The following PKN2 variants were observed in gnomAD, a reference collection of about 807,000 sequenced individuals.
PKN2 encodes protein kinase N2.
In PKN2, 38 loss-of-function variants were observed where a neutral mutation model predicts 119.1. The ratio of observed to expected loss-of-function variants is 0.32; its 90% confidence interval spans 0.25 to 0.42. PKN2 has a LOEUF of 0.42. Ranked by LOEUF, PKN2 falls within the 10% of genes least tolerant of loss-of-function variation. The pLI, the probability that PKN2 is intolerant of heterozygous loss-of-function variation, is 1.00. For missense variants in PKN2, 850 were observed against 1,165.1 expected, an observed-to-expected ratio of 0.73 and a Z score of 3.94; for synonymous variants, 390 against 384.9, an observed-to-expected ratio of 1.01 and a Z score of -0.15.
chr1:88,745,068 G>T (rs375532566), intron 2 of PKN2, among the ~76,000 whole-genome samples: 4 of 152,022 alleles, frequency 2.6e-5, no homozygotes, highest in Admixed American at 6.5e-5. Flanking sequence ...ACATTTTTTC[G>T]TGATAAAAAT....
intron 4 of PKN2, 132 bp from the exon 5 acceptor site, chr1:88,771,289 A>G (rs1269675524): frequency 1.8e-6 from 1 of 540,896 alleles, no homozygotes; most frequent in Non-Finnish European, 3.2e-6. Flanking sequence ...AAATATTTTT[A>G]TTTCAGTGTT....
chr1:88,762,206 A>T, intron 3 of PKN2, among the ~76,000 whole-genome samples: 1 of 152,230 alleles, frequency 6.6e-6, no homozygotes, highest in East Asian at 1.9e-4. Flanking sequence ...AGAGTTATGG[A>T]CATATTAAAA....
intron 2 of PKN2, among the ~76,000 whole-genome samples, chr1:88,742,383 C>T (rs1266671884): frequency 1.3e-5 from 2 of 152,130 alleles, no homozygotes; most frequent in African/African-American, 4.8e-5. Context: ...TTTTCGACAT[C>T]ACTTTCAACA....
chr1:88,826,216 G>C (rs1006551919), intron 18 of PKN2, among the ~76,000 whole-genome samples: 1 of 152,110 alleles, frequency 6.6e-6, no homozygotes, highest in Non-Finnish European at 1.5e-5. Context: ...CTTGACACAG[G>C]TGCCTAGAAC....
intron 16 of PKN2, among the ~76,000 whole-genome samples, chr1:88,817,116 A>G (rs1044070803): frequency 6.6e-6 from 1 of 152,170 alleles, no homozygotes; most frequent in African/African-American, 2.4e-5. Context: ...TTTCAGGCCA[A>G]TATCCCTGAT....
intron 6 of PKN2, among the ~76,000 whole-genome samples, chr1:88,776,753 A>T (rs1441564110): frequency 6.6e-6 from 1 of 152,052 alleles, no homozygotes; most frequent in African/African-American, 2.4e-5. Context: ...AAAAAAAAAA[A>T]AAGTCCTCCT....
chr1:88,787,965 TA>T (rs1224358724), intron 8 of PKN2, among the ~76,000 whole-genome samples: 2 of 152,224 alleles, frequency 1.3e-5, no homozygotes, highest in African/African-American at 4.8e-5. Context: ...TTATAGACTA[TA>T]AAAAATGTTT....
At position 88,807,703 on chromosome 1, in the gene PKN2, A is replaced by G. The variant is rs1456985864; in HGVS notation, c.2030A>G (p.Lys677Arg). The change falls in exon 15 of 22, where the codon AAA becomes AGA. Residue 677 changes from lysine (K) to arginine (R), a missense_variant. Lys to Arg is a conservative substitution (Grantham distance 26). This residue lies in a region of PKN2 where 216 missense variants were observed against 252.8 expected (regional missense o/e 0.85). Coordinates refer to ENST00000370521, the MANE Select transcript of PKN2 (RefSeq NM_006256.4). Reference sequence around the variant, plus strand: ...TTTCAGGTGCTTTTAGCTGAATATAAAAACACAAATGAGATGTTTGCTATA... The same window carrying G: ...TTTCAGGTGCTTTTAGCTGAATATAGAAACACAAATGAGATGTTTGCTATA... Reference protein sequence around the residue: ...HFGKVLLAEYKNTNEMFAIKA... With the variant: ...HFGKVLLAEYRNTNEMFAIKA... The G allele has an allele frequency of 6.2e-7, 1 of 1,601,202 alleles. No homozygotes were observed. The highest frequency in any genetic ancestry group is 2.2e-5 in the East Asian group (1 of 44,668).
At chr1:88,797,829 T>C (rs1221458496) in intron 8 of PKN2, among the ~76,000 whole-genome samples, 1 of 151,262 alleles carries the variant, frequency 6.6e-6, no homozygotes, top group African/African-American at 2.4e-5. Context: ...CATTTAGCAC[T>C]GTGAGAAATG....
intron 6 of PKN2, among the ~76,000 whole-genome samples, chr1:88,774,578 C>T (rs1670014126): frequency 6.6e-6 from 1 of 151,682 alleles, no homozygotes; most frequent in African/African-American, 2.4e-5. Context: ...AAAAACCAGC[C>T]AAATTATATA....
intron 2 of PKN2, among the ~76,000 whole-genome samples, chr1:88,751,396 ACACAC>A (rs1668990613): frequency 2.6e-5 from 4 of 151,988 alleles, no homozygotes; most frequent in Admixed American, 1.3e-4. Flanking sequence ...ACACACACAC[ACACAC>A]ACCTGACTCT....
intron 2 of PKN2, among the ~76,000 whole-genome samples, chr1:88,757,220 CA>C (rs2100775073): frequency 6.6e-6 from 1 of 152,254 alleles, no homozygotes; most frequent in Non-Finnish European, 1.5e-5. Flanking sequence ...ATATCTGTCT[CA>C]AAAGGTTATT....
At chr1:88,724,404 A>G (rs537458661) in intron 1 of PKN2, among the ~76,000 whole-genome samples, 1 of 152,010 alleles carries the variant, frequency 6.6e-6, no homozygotes, top group Admixed American at 6.6e-5. Flanking sequence ...CTTGGTGCAA[A>G]TGTCTCTTGT....
chr1:88,770,316 T>A (rs1269274372), intron 3 of PKN2, 36 bp from the exon 4 acceptor site: 1 of 1,228,210 alleles, frequency 8.1e-7, no homozygotes, highest in Non-Finnish European at 1.2e-6. Flanking sequence ...TTTTTCCCTT[T>A]ATTTGCTTAA....
chr1:88,788,873 T>C (rs1051689167), intron 8 of PKN2, among the ~76,000 whole-genome samples: 1 of 152,168 alleles, frequency 6.6e-6, no homozygotes, highest in Non-Finnish European at 1.5e-5. Context: ...TCAGCCTTCC[T>C]GTTATAAAAA....
At chr1:88,804,705 CTA>C (rs1406103286) in intron 9 of PKN2, 139 bp from the exon 10 acceptor site, 1 of 749,948 alleles carries the variant, frequency 1.3e-6, no homozygotes, top group East Asian at 2.7e-5. Context: ...ATTATTCTTC[CTA>C]TGTCTGTTTT....
intron 3 of PKN2, among the ~76,000 whole-genome samples, chr1:88,768,709 C>T (rs1342440160): frequency 6.6e-6 from 1 of 152,208 alleles, no homozygotes; most frequent in Non-Finnish European, 1.5e-5. Context: ...CCTTCTGTCA[C>T]TCACATTCAG....
At chr1:88,716,649 A>G (rs1162080633) in intron 1 of PKN2, among the ~76,000 whole-genome samples, 2 of 151,988 alleles carry the variant, frequency 1.3e-5, no homozygotes, top group Non-Finnish European at 2.9e-5. Context: ...TTTGCTGGGT[A>G]GATCTTCCTC....
chr1:88,782,554 G>C (rs1325034490), intron 6 of PKN2, among the ~76,000 whole-genome samples: 1 of 151,544 alleles, frequency 6.6e-6, no homozygotes, highest in African/African-American at 2.4e-5. Flanking sequence ...TAATTTCTTT[G>C]CTGTGTCTTC....
Sources: gnomAD v4.1 joint callset for allele counts (sites outside exome capture counted in the v4.1 genomes callset) on GRCh38, gnomAD v4.1.1 for gene constraint, gnomAD v4.1.1 regional missense constraint, MANE v1.5 for transcripts, NCBI Gene and HGNC (gene_info 2026-07-23, HGNC 2026-07-21) for gene names.